The following UFM1 variants were observed in gnomAD, a reference collection of about 807,000 sequenced individuals.
UFM1 encodes ubiquitin fold modifier 1.
A neutral mutation model predicts 15.4 loss-of-function variants in UFM1; 9 were observed. The ratio of observed to expected loss-of-function variants is 0.59; its 90% confidence interval spans 0.35 to 1.02. The LOEUF (loss-of-function observed/expected upper bound fraction) is 1.02, where lower values mean the gene tolerates loss of function less well. Among genes scored for constraint, UFM1 ranks in the 50% least tolerant of loss-of-function variants. The pLI is 0.02. For missense variants in UFM1, 98 were observed against 104.7 expected (o/e 0.94, Z 0.28); for synonymous variants, 27 against 36.3 (o/e 0.74, Z 0.92).
chr13:38,352,907 A>G (rs904143951), intron 2 of UFM1, among the ~76,000 whole-genome samples: 1 of 152,192 alleles, frequency 6.6e-6, no homozygotes, highest in Non-Finnish European at 1.5e-5. Context: ...AGGAAAATGA[A>G]TCTCAGATTC....
Position 38,349,997 on chromosome 13 carries a change from A to C in UFM1, c.3-2A>C. 1 of 1,614,046 alleles carries C rather than the reference A, an allele frequency of 6.2e-7. No homozygotes were observed. Among genetic ancestry groups the C allele is most frequent in the Non-Finnish European group, 8.5e-7 (1 of 1,179,890 alleles). ...CTGACTCTCTCCCGCTCTTTTCCTC[A>C]GGTCGAAGGTTTCCTTTAAGATCAC... On this transcript the variant is annotated splice_acceptor_variant, in intron 1 of 5. Transcript: ENST00000239878. LOFTEE classifies it high-confidence loss of function.
At chr13:38,356,843 ACT>A (rs1171623807) in intron 3 of UFM1, among the ~76,000 whole-genome samples, 3 of 151,862 alleles carry the variant, frequency 2.0e-5, no homozygotes, top group Non-Finnish European at 4.4e-5. Context: ...TGATCACAAA[ACT>A]CAACTATAAT....
intron 3 of UFM1, 100 bp from the exon 4 acceptor site, chr13:38,357,993 A>G (rs1879186945): frequency 2.0e-6 from 1 of 510,936 alleles, no homozygotes; most frequent in Non-Finnish European, 3.2e-6. Context: ...TTAGAATTAT[A>G]GAATTGGTAT....
intron 3 of UFM1, among the ~76,000 whole-genome samples, chr13:38,357,148 G>A (rs898236072): frequency 6.6e-6 from 1 of 151,812 alleles, no homozygotes; most frequent in Non-Finnish European, 1.5e-5. Context: ...GACATAATTG[G>A]ACTATTGCAA....
chr13:38,358,254 T>A (rs1174173749), intron 4 of UFM1, 122 bp downstream of exon 4: 4 of 479,726 alleles, frequency 8.3e-6, no homozygotes, highest in Non-Finnish European at 1.1e-5. Context: ...ATAAATGATA[T>A]ACTTACTGGT....
At chr13:38,352,313 G>C (rs1184083007) in intron 2 of UFM1, among the ~76,000 whole-genome samples, 1 of 151,714 alleles carries the variant, frequency 6.6e-6, no homozygotes, top group Admixed American at 6.6e-5. Context: ...TAGCCAGGAT[G>C]GTTTCCATCT....
chr13:38,354,249 C>G lies in UFM1; in HGVS notation c.70C>G (p.Pro24Ala). The change falls in exon 3 of 6, where the codon CCT (proline) becomes GCT (alanine). Residue 24 changes from proline (P) to alanine (A), a missense_variant. Transcript: ENST00000239878. The part of the protein sequence containing the change: ...PRLPYKVLSV[P>A]ESTPFTAVLK... Reference sequence around the variant, plus strand: ...AAATTCTTCTTGCAGACTCAGTGTTCCTGAAAGTACACCTTTCACAGCAGT... The same window carrying G: ...AAATTCTTCTTGCAGACTCAGTGTTGCTGAAAGTACACCTTTCACAGCAGT... The G allele has an allele frequency of 6.2e-7, 1 of 1,608,766 alleles. No homozygotes were observed. Among genetic ancestry groups the G allele is most frequent in the Non-Finnish European group, 8.5e-7 (1 of 1,176,486 alleles).
chr13:38,350,265 G>A (rs767068320), intron 2 of UFM1: 5 of 1,569,124 alleles, frequency 3.2e-6, no homozygotes, highest in Non-Finnish European at 4.3e-6. Flanking sequence ...TTGGCAGCTT[G>A]GCCCCGTCAC....
At chr13:38,352,685 A>C (rs955873093) in intron 2 of UFM1, among the ~76,000 whole-genome samples, 1 of 152,194 alleles carries the variant, frequency 6.6e-6, no homozygotes, top group East Asian at 1.9e-4. Context: ...ATTTTCTGCC[A>C]GTTAGAACTT....
At chr13:38,358,193 C>G in intron 4 of UFM1, 61 bp downstream of exon 4, 1 of 1,081,910 alleles carries the variant, frequency 9.2e-7, no homozygotes, top group South Asian at 2.0e-5. Context: ...GTAAAAGGAA[C>G]CAAATTAATT....
intron 3 of UFM1, among the ~76,000 whole-genome samples, chr13:38,355,168 T>C (rs1027216660): frequency 6.6e-6 from 1 of 152,014 alleles, no homozygotes; most frequent in Non-Finnish European, 1.5e-5. Flanking sequence ...TAATAAAAAA[T>C]AGCTTAACAC....
rs1320510546 is a variant in UFM1 at position 38,360,709 on chromosome 13, A to G, written c.191-2A>G. ...AACTTTATGTTTTGTTTGTTTGTAT[A>G]GGAAATGTTTTTCTAAAACATGGTT... is the stretch of plus-strand genomic sequence containing the variant. On this transcript the variant is annotated splice_acceptor_variant, in intron 5 of 5. Coordinates refer to ENST00000239878, the MANE Select transcript of UFM1 (RefSeq NM_016617.4). LOFTEE classifies it high-confidence loss of function. 6.2e-7 allele frequency: 1 copy of G among 1,600,716 alleles called. No homozygotes were observed. The highest frequency in any genetic ancestry group is 8.5e-7 in the Non-Finnish European group (1 of 1,173,042).
At chr13:38,352,263 A>G (rs2140051558) in intron 2 of UFM1, among the ~76,000 whole-genome samples, 1 of 151,898 alleles carries the variant, frequency 6.6e-6, no homozygotes, top group East Asian at 1.9e-4. Flanking sequence ...TTGCCCAGCT[A>G]ATTTTTTGTA....
intron 2 of UFM1, among the ~76,000 whole-genome samples, chr13:38,351,701 G>A (rs553555475): frequency 6.6e-6 from 1 of 152,304 alleles, no homozygotes; most frequent in African/African-American, 2.4e-5. Flanking sequence ...TCGAAAGAGA[G>A]CGTGAGAAGG....
At chr13:38,356,701 C>CAAA (rs35105286) in intron 3 of UFM1, among the ~76,000 whole-genome samples, 16 of 107,858 alleles carry the variant, frequency 1.5e-4, no homozygotes, top group East Asian at 5.3e-4. Flanking sequence ...TTAGTACCAC[C>CAAA]AAAAAAAAAA....
chr13:38,360,630 TTATTA>T (rs1413212753), intron 5 of UFM1, 76 bp from the exon 6 acceptor site: 14 of 1,088,994 alleles, frequency 1.3e-5, no homozygotes, highest in East Asian at 2.7e-5. Flanking sequence ...ACTAAATCAT[TTATTA>T]TATTTAATAA....
chr13:38,362,640 G>A lies in UFM1; in HGVS notation c.*1862G>A, dbSNP rs1412729935. Reference sequence around the variant, plus strand: ...ACAAAATCTGATGTTCAGAGGCCCCGTTTCTTACAATAAATGTTGAGTCTT... The same window carrying A: ...ACAAAATCTGATGTTCAGAGGCCCCATTTCTTACAATAAATGTTGAGTCTT... On this transcript the variant is annotated 3_prime_UTR_variant, in exon 6 of 6. Transcript: ENST00000239878. 6.6e-6 allele frequency: 1 copy of A among 151,672 alleles called. No individual in the cohort carries two copies. The highest frequency in any genetic ancestry group is 1.5e-5 in the Non-Finnish European group (1 of 67,928). The allele number at this position is 151,672 out of a possible 1,614,324, so 9.4% of individuals were successfully genotyped here.
At chr13:38,352,871 A>C (rs1878923723) in intron 2 of UFM1, among the ~76,000 whole-genome samples, 1 of 152,178 alleles carries the variant, frequency 6.6e-6, no homozygotes, top group Non-Finnish European at 1.5e-5. Flanking sequence ...AAGGGTTTAG[A>C]AGTTCTCCAA....
chr13:38,359,918 C>T (rs1879293144), intron 5 of UFM1: 1 of 210,012 alleles, frequency 4.8e-6, no homozygotes, highest in South Asian at 6.2e-5. Flanking sequence ...ATCTCTTAGG[C>T]TTATAATCTA....
Sources: gnomAD v4.1 joint callset for allele counts (sites outside exome capture counted in the v4.1 genomes callset) on GRCh38, gnomAD v4.1.1 for gene constraint, MANE v1.5 for transcripts, NCBI Gene and HGNC (gene_info 2026-07-23, HGNC 2026-07-21) for gene names.